The following PDE4D variants were observed in gnomAD, a reference collection of about 807,000 sequenced individuals.
PDE4D encodes phosphodiesterase 4D.
In PDE4D, 24 loss-of-function variants were observed where a neutral mutation model predicts 87.4. That is an observed-to-expected ratio of 0.27 (90% CI 0.20 to 0.39). The LOEUF is 0.39. Among genes scored for constraint, PDE4D ranks in the 10% least tolerant of loss-of-function variants. The pLI, the probability that PDE4D is intolerant of heterozygous loss-of-function variation, is 1.00. For synonymous variants in PDE4D, 384 were observed against 383.2 expected (o/e 1.00, Z -0.02); for missense variants, 714 against 1,041.0 (o/e 0.69, Z 4.32).
intron 5 of PDE4D, among the ~76,000 whole-genome samples, chr5:59,088,649 A>G (rs1768155637): frequency 6.6e-6 from 1 of 152,192 alleles, no homozygotes; most frequent in African/African-American, 2.4e-5. Flanking sequence ...TGTCCTTTCC[A>G]GGAACACTGA....
chr5:60,346,036 G>T (rs1279709026), intron 1 of PDE4D, among the ~76,000 whole-genome samples: 1 of 152,024 alleles, frequency 6.6e-6, no homozygotes, highest in East Asian at 1.9e-4. Context: ...TACTCATTCA[G>T]TTAAGAACTT....
intron 5 of PDE4D, among the ~76,000 whole-genome samples, chr5:59,177,359 T>A (rs1784065067): frequency 6.6e-6 from 1 of 152,176 alleles, no homozygotes; most frequent in Non-Finnish European, 1.5e-5. Flanking sequence ...GCAGCCTGAA[T>A]TGATGAAGAA....
intron 3 of PDE4D, among the ~76,000 whole-genome samples, chr5:59,954,323 T>C (rs948454741): frequency 2.6e-5 from 4 of 152,204 alleles, no homozygotes; most frequent in Admixed American, 1.3e-4. Flanking sequence ...GAATTCTTCT[T>C]GGCATGGGTT....
At chr5:59,008,186 T>G (rs1164374355) in intron 6 of PDE4D, among the ~76,000 whole-genome samples, 1 of 151,996 alleles carries the variant, frequency 6.6e-6, no homozygotes, top group Non-Finnish European at 1.5e-5. Context: ...AAATGAAGCC[T>G]CCACAAAAAT....
chr5:59,825,186 T>C (rs895213337), intron 1 of PDE4D, among the ~76,000 whole-genome samples: 2 of 152,076 alleles, frequency 1.3e-5, no homozygotes, highest in African/African-American at 2.4e-5. Flanking sequence ...TGTGATACAT[T>C]GGAGATAAAA....
At chr5:60,070,508 C>T (rs1772592024) in intron 2 of PDE4D, among the ~76,000 whole-genome samples, 1 of 151,958 alleles carries the variant, frequency 6.6e-6, no homozygotes, top group Non-Finnish European at 1.5e-5. Flanking sequence ...TTAATTTTTA[C>T]ACACTGAACC....
chr5:60,438,167 C>T lies in PDE4D; in HGVS notation c.-90+49775G>A, dbSNP rs528005642. Among the ~76,000 whole-genome samples the T allele has an allele frequency of 3.9e-5, 6 of 152,062 alleles. No homozygotes were observed. In the South Asian group the frequency reaches 6.2e-4, roughly 16 times the overall value. ...AGAAATCATTTTAATGCAATTATTA[C>T]GGGAAAGCCATTAACCAAATGCTAA... On this transcript the variant is annotated intron_variant, in intron 1 of 16. Transcript: ENST00000502484.
intron 1 of PDE4D, among the ~76,000 whole-genome samples, chr5:59,393,967 G>C (rs550928835): frequency 6.6e-6 from 1 of 152,276 alleles, no homozygotes; most frequent in South Asian, 2.1e-4. Flanking sequence ...GTTAGAAATA[G>C]TATTTTTTAT....
At chr5:59,663,681 G>C (rs1745619976) in intron 1 of PDE4D, among the ~76,000 whole-genome samples, 2 of 152,058 alleles carry the variant, frequency 1.3e-5, no homozygotes, top group South Asian at 4.1e-4. Context: ...ACAGAACGCT[G>C]TATAATTTTC....
chr5:59,743,201 TA>T (rs1046104441), intron 1 of PDE4D, among the ~76,000 whole-genome samples: 134 of 151,732 alleles, frequency 8.8e-4, no homozygotes, highest in African/African-American at 2.9e-3. Flanking sequence ...AAGTTAAATA[TA>T]AAAAAAGAGA....
At chr5:60,162,469 C>T (rs183078226) in intron 2 of PDE4D, among the ~76,000 whole-genome samples, 18 of 152,178 alleles carry the variant, frequency 1.2e-4, no homozygotes, top group Admixed American at 2.6e-4. Context: ...GTTGTTACAT[C>T]ATTTGAGTTG....
At position 59,833,736 on chromosome 5, in the gene PDE4D, G is replaced by A. The variant is rs139904526; in HGVS notation, c.455+59432C>T. On this transcript the variant is annotated intron_variant, in intron 1 of 14. Transcript: ENST00000340635. The stretch of plus-strand genomic sequence containing the variant: ...CAGGCAGTGTGAAAGGGGTGTGAGA[G>A]AGGAGGTCAGATCTGGTCTCCTGAA... Among the ~76,000 whole-genome samples the A allele has an allele frequency of 3.9e-4, 60 of 152,080 alleles. No individual in the cohort carries two copies. In the East Asian group the frequency reaches 0.011, roughly 28 times the overall value.
intron 2 of PDE4D, among the ~76,000 whole-genome samples, chr5:60,107,745 C>T (rs1365182078): frequency 2.0e-5 from 3 of 152,040 alleles, no homozygotes; most frequent in African/African-American, 7.3e-5. Flanking sequence ...TAAACAGAAC[C>T]GAAGACAAAA....
At chr5:59,301,838 T>A (rs1442582442) in intron 1 of PDE4D, among the ~76,000 whole-genome samples, 2 of 152,028 alleles carry the variant, frequency 1.3e-5, no homozygotes, top group Non-Finnish European at 2.9e-5. Flanking sequence ...GGGGCCTCCT[T>A]GGGAATGACA....
At chr5:59,945,651 C>G (rs1054549555) in intron 3 of PDE4D, among the ~76,000 whole-genome samples, 1 of 152,122 alleles carries the variant, frequency 6.6e-6, no homozygotes, top group Non-Finnish European at 1.5e-5. Context: ...CTAACATTTG[C>G]GTGTCATAGG....
chr5:59,820,048 G>A (rs949066766), intron 1 of PDE4D, among the ~76,000 whole-genome samples: 4 of 152,190 alleles, frequency 2.6e-5, no homozygotes, highest in Non-Finnish European at 5.9e-5. Context: ...ATGTCCGTGT[G>A]TGTAAGATGA....
chr5:60,435,077 A>T (rs1415651182), intron 1 of PDE4D, among the ~76,000 whole-genome samples: 1 of 152,144 alleles, frequency 6.6e-6, no homozygotes, highest in African/African-American at 2.4e-5. Flanking sequence ...GTAAACTTCT[A>T]TAACAGAATT....
intron 1 of PDE4D, among the ~76,000 whole-genome samples, chr5:60,424,322 A>G (rs1360306602): frequency 6.6e-6 from 1 of 152,228 alleles, no homozygotes; most frequent in Non-Finnish European, 1.5e-5. Flanking sequence ...CACATCAAAA[A>G]GTTTATCTGC....
intron 1 of PDE4D, among the ~76,000 whole-genome samples, chr5:59,471,092 A>C (rs1429889316): frequency 1.3e-5 from 2 of 152,146 alleles, no homozygotes; most frequent in Non-Finnish European, 1.5e-5. Context: ...AAATTAAAAA[A>C]TACATAGCCA....
Sources: gnomAD v4.1 joint callset for allele counts (sites outside exome capture counted in the v4.1 genomes callset) on GRCh38, gnomAD v4.1.1 for gene constraint, MANE v1.5 for transcripts, NCBI Gene and HGNC (gene_info 2026-07-23, HGNC 2026-07-21) for gene names.